The following PAFAH1B2 variants were observed in gnomAD, a reference collection of about 807,000 sequenced individuals.
PAFAH1B2 encodes platelet activating factor acetylhydrolase 1b catalytic subunit 2.
A neutral mutation model predicts 28.0 loss-of-function variants in PAFAH1B2; 8 were observed. That is an observed-to-expected ratio of 0.29 (90% CI 0.17 to 0.52). The LOEUF is 0.52. PAFAH1B2 is among the 20% of genes least tolerant of loss of function. PAFAH1B2 has a pLI of 0.97. For missense variants in PAFAH1B2, 190 were observed against 282.6 expected, an observed-to-expected ratio of 0.67 and a Z score of 2.35; for synonymous variants, 104 against 103.2, an observed-to-expected ratio of 1.01 and a Z score of -0.05.
Position 117,147,310 on chromosome 11 carries a change from G to T in PAFAH1B2, c.-8+2892G>T, listed in dbSNP as rs1241263768. Among the ~76,000 whole-genome samples the T allele has an allele frequency of 1.1e-4, 17 of 152,266 alleles. No homozygotes were observed. The East Asian group carries it at 1.4e-3, about 12-fold the overall frequency. On this transcript the variant is annotated intron_variant, in intron 1 of 5. Coordinates refer to ENST00000527958, the MANE Select transcript of PAFAH1B2 (RefSeq NM_002572.4). ...GTTTAATTTTTATTTTTGAGACAGG[G>T]TCTTGCTCTGTCCCTGAGGCTGGAG...
At chr11:117,152,050 T>C (rs1038110378) in intron 1 of PAFAH1B2, among the ~76,000 whole-genome samples, 4 of 152,316 alleles carry the variant, frequency 2.6e-5, no homozygotes, top group African/African-American at 9.6e-5. Flanking sequence ...GTGTAACTCT[T>C]AACAGCTGAA....
In PAFAH1B2 at chr11:117,169,734, C is replaced by T. The variant is rs1956606497; in HGVS notation, c.*2035C>T. ...TTAGTAGCCCAGGTTGAGTTTTTCA[C>T]AAGAGATTTTTTTCTTAGCTGAGGT... On this transcript the variant is annotated 3_prime_UTR_variant, in exon 6 of 6. Transcript: ENST00000527958. 1 of 1,057,758 alleles carries T rather than the reference C, an allele frequency of 9.5e-7. No homozygotes were observed. The highest frequency in any genetic ancestry group is 1.7e-5 in the African/African-American group (1 of 60,572). 65.5% of individuals were successfully genotyped at this position (1,057,758 alleles called of 1,614,324 possible).
At chr11:117,155,832 G>A (rs1300541861) in intron 2 of PAFAH1B2, among the ~76,000 whole-genome samples, 6 of 151,934 alleles carry the variant, frequency 3.9e-5, no homozygotes, top group African/African-American at 1.2e-4. Context: ...GACCAGCCTC[G>A]GCAACATAGA....
rs1032839667 is a variant in PAFAH1B2 at position 117,169,177 on chromosome 11, A to G, written c.*1478A>G. 47 of 1,029,956 alleles carry G rather than the reference A, an allele frequency of 4.6e-5. No individual in the cohort carries two copies. The highest frequency in any genetic ancestry group is 5.4e-5 in the Non-Finnish European group (46 of 857,000). 63.8% of individuals were successfully genotyped at this position (1,029,956 alleles called of 1,614,324 possible). ...AGTGAAGCTGCTCTTCAGCATAGAC[A>G]CTACCTTTATCCCATCATTTTAGTA... is the stretch of plus-strand genomic sequence containing the variant. On this transcript the variant is annotated 3_prime_UTR_variant, in exon 6 of 6. Transcript: ENST00000527958.
At chr11:117,175,114 A>G (rs978081428), downstream of PAFAH1B2, 3 of 1,244,494 alleles carry the variant, frequency 2.4e-6, no homozygotes, top group Non-Finnish European at 3.0e-6. Flanking sequence ...CCACAGGGAA[A>G]TATAAGTCAA....
At chr11:117,145,289 C>G (rs533929517) in intron 1 of PAFAH1B2, among the ~76,000 whole-genome samples, 3 of 152,268 alleles carry the variant, frequency 2.0e-5, no homozygotes, top group Non-Finnish European at 4.4e-5. Flanking sequence ...TCATAGCTCG[C>G]AGGCCAGCGT....
chr11:117,169,308 G>A lies in PAFAH1B2; in HGVS notation c.*1609G>A. ...TATAAGAACTGCCATTAAAAAAAAT[G>A]GGATAATAGATGATTTTATCAGTAT... On this transcript the variant is annotated 3_prime_UTR_variant, in exon 6 of 6. Coordinates refer to ENST00000527958, the MANE Select transcript of PAFAH1B2 (RefSeq NM_002572.4). The A allele has an allele frequency of 9.6e-7, 1 of 1,043,284 alleles. No homozygotes were observed. The highest frequency in any genetic ancestry group is 1.2e-6 in the Non-Finnish European group (1 of 864,998). 64.6% of individuals were successfully genotyped at this position (1,043,284 alleles called of 1,614,324 possible). A position where few individuals can be genotyped will look rare whatever the true frequency, so the allele number is the denominator to read the frequency against.
intron 2 of PAFAH1B2, among the ~76,000 whole-genome samples, chr11:117,154,832 T>A (rs1956226007): frequency 1.3e-5 from 2 of 152,072 alleles, no homozygotes; most frequent in African/African-American, 4.8e-5. Flanking sequence ...GGGGATGGAG[T>A]GGGGCAGTAG....
intron 1 of PAFAH1B2, among the ~76,000 whole-genome samples, chr11:117,149,623 G>A (rs1004592570): frequency 3.3e-5 from 5 of 149,310 alleles, no homozygotes; most frequent in Admixed American, 1.3e-4. Context: ...TAGTAGATAC[G>A]GGGTTTCACC....
chr11:117,146,816 T>G, intron 1 of PAFAH1B2, among the ~76,000 whole-genome samples: 1 of 138,100 alleles, frequency 7.2e-6, no homozygotes, highest in Non-Finnish European at 1.5e-5. Flanking sequence ...GCCTGAACAA[T>G]ATGGTGAGAT....
intron 5 of PAFAH1B2, 171 bp downstream of exon 5, chr11:117,164,063 C>A (rs1250389372): frequency 4.8e-6 from 3 of 628,950 alleles, no homozygotes; most frequent in Non-Finnish European, 8.1e-6. Context: ...TTTCATCATT[C>A]CCCATACCAG....
At chr11:117,162,540 A>G (rs138072350) in intron 4 of PAFAH1B2, among the ~76,000 whole-genome samples, 34 of 150,114 alleles carry the variant, frequency 2.3e-4, no homozygotes, top group African/African-American at 8.1e-4. Context: ...TGAGGCACGC[A>G]GATCACTTGA....
downstream of PAFAH1B2, among the ~76,000 whole-genome samples, chr11:117,173,481 G>A (rs533143624): frequency 4.6e-5 from 7 of 152,262 alleles, no homozygotes; most frequent in African/African-American, 1.7e-4. Flanking sequence ...CACAATGCAG[G>A]GATTTCACTG....
rs914035241 is a variant in PAFAH1B2 at position 117,168,758 on chromosome 11, G to T, written c.*1059G>T. 3.9e-6 allele frequency: 4 copies of T among 1,031,350 alleles called. No homozygotes were observed. Among genetic ancestry groups the T allele is most frequent in the Non-Finnish European group, 4.7e-6 (4 of 852,208 alleles). 63.9% of individuals were successfully genotyped at this position (1,031,350 alleles called of 1,614,324 possible). A position where few individuals can be genotyped will look rare whatever the true frequency, so the allele number is the denominator to read the frequency against. On this transcript the variant is annotated 3_prime_UTR_variant, in exon 6 of 6. Coordinates refer to ENST00000527958, the MANE Select transcript of PAFAH1B2 (RefSeq NM_002572.4). ...ATTTCAAGTTTTATAATATCTTAAG[G>T]TGTATATTTTATTTTTTTTATTGGC...
downstream of PAFAH1B2, chr11:117,174,910 A>G: frequency 6.6e-7 from 1 of 1,526,296 alleles, no homozygotes; most frequent in East Asian, 2.5e-5. Flanking sequence ...TCACCGCACC[A>G]GGCCATCTTC....
At chr11:117,173,591 C>T (rs1448761987), downstream of PAFAH1B2, among the ~76,000 whole-genome samples, 1 of 151,992 alleles carries the variant, frequency 6.6e-6, no homozygotes, top group Non-Finnish European at 1.5e-5. Flanking sequence ...CCTTATGTGC[C>T]AGGGCAACAG....
chr11:117,149,791 G>C (rs1956106445), intron 1 of PAFAH1B2, among the ~76,000 whole-genome samples: 1 of 152,036 alleles, frequency 6.6e-6, no homozygotes. Flanking sequence ...AGATTCACAT[G>C]AACAGTAATT....
intron 2 of PAFAH1B2, among the ~76,000 whole-genome samples, chr11:117,153,273 T>C (rs1048303086): frequency 3.9e-5 from 6 of 152,338 alleles, no homozygotes; most frequent in Non-Finnish European, 7.3e-5. Context: ...ACACAAATGT[T>C]ACAGAAATTT....
chr11:117,152,648 G>A, intron 2 of PAFAH1B2, 120 bp downstream of exon 2: 1 of 706,594 alleles, frequency 1.4e-6, no homozygotes, highest in Non-Finnish European at 2.5e-6. Context: ...AAACTGCAGG[G>A]CTCAAGTGAT....
Sources: gnomAD v4.1 joint callset for allele counts (sites outside exome capture counted in the v4.1 genomes callset) on GRCh38, gnomAD v4.1.1 for gene constraint, MANE v1.5 for transcripts, NCBI Gene and HGNC (gene_info 2026-07-23, HGNC 2026-07-21) for gene names.